DNAI1: variants seen among roughly 807,000 people sequenced by gnomAD.
DNAI1 encodes the protein dynein, axonemal, intermediate polypeptide 1.
Under a neutral mutation model 92.0 loss-of-function variants are expected in DNAI1, and 67 were observed. That is an observed-to-expected ratio of 0.73 (90% CI 0.60 to 0.89). DNAI1 has a LOEUF of 0.89. Ranked by LOEUF, DNAI1 falls within the 40% of genes least tolerant of loss-of-function variation. The pLI is 0.00. For synonymous variants in DNAI1, 323 were observed against 319.6 expected (o/e 1.01, Z -0.11); for missense variants, 839 against 866.6 (o/e 0.97, Z 0.40).
chr9:34,508,790 C>T (rs1373892457), intron 13 of DNAI1, among the ~76,000 whole-genome samples: 2 of 152,270 alleles, frequency 1.3e-5, no homozygotes, highest in East Asian at 3.9e-4. Flanking sequence ...TGAGCAGGTC[C>T]CAAGAAGACA....
Position 34,517,369 on chromosome 9 carries a change from G to T in DNAI1, c.1903G>T (p.Val635Leu). ...VAAKKNRLTH[V>L]QFNLIHPIII... ...GGCCAAAAAGAACAGGCTCACCCAC[G>T]TGCAGTTCAATCTCATCCACCCCAT... Residue 635 changes from valine to leucine, a missense_variant, in exon 19 of 20, where the codon GTG (valine) becomes TTG (leucine). By Grantham distance (32) the Val-to-Leu change is conservative. Transcript: ENST00000242317. 1 of 1,614,166 alleles carries T rather than the reference G, an allele frequency of 6.2e-7. No homozygotes were observed. The highest frequency in any genetic ancestry group is 8.5e-7 in the Non-Finnish European group (1 of 1,180,032).
intron 19 of DNAI1, among the ~76,000 whole-genome samples, chr9:34,518,646 T>A (rs1185919411): frequency 6.6e-6 from 1 of 152,214 alleles, no homozygotes; most frequent in East Asian, 1.9e-4. Context: ...AATGTGTTCT[T>A]AATTTTCTGA....
chr9:34,501,519 G>T (rs960725006), intron 12 of DNAI1, among the ~76,000 whole-genome samples: 2 of 152,224 alleles, frequency 1.3e-5, no homozygotes, highest in South Asian at 2.1e-4. Context: ...AGCCCTCAAA[G>T]GGCCTGGTAA....
Position 34,483,473 on chromosome 9 carries a change from G to A in DNAI1, c.74G>A (p.Arg25Lys). ...KQSISIGRGT[R>K]KRDEDSGTEV... The stretch of plus-strand genomic sequence containing the variant: ...AGCATCAGCATAGGCAGAGGAACCA[G>A]GAAGAGAGTAAGTGCTGAGACTACC... The change falls in exon 2 of 20, where the codon AGG becomes AAG. Residue 25 changes from arginine (R) to lysine (K), a missense_variant. Transcript: ENST00000242317. 1.9e-6 allele frequency: 3 copies of A among 1,612,410 alleles called. No homozygotes were observed. The highest frequency in any genetic ancestry group is 2.5e-6 in the Non-Finnish European group (3 of 1,179,794).
rs1325002464 is a variant in DNAI1, at chr9:34,517,408, G to A, written c.1942G>A (p.Asp648Asn). Residue 648 changes from aspartate to asparagine, a missense_variant, in exon 19 of 20, where the codon GAT (aspartate) becomes AAT (asparagine). Physicochemically the swap from Asp to Asn is conservative, Grantham distance 23 (BLOSUM62 1). Coordinates refer to ENST00000242317, the MANE Select transcript of DNAI1 (RefSeq NM_012144.4). ...NLIHPIIIVG[D>N]DRGHIISLKL... ...CATCCACCCCATCATCATTGTGGGC[G>A]ATGACCGTGGGCACATCATCAGCCT... 39 of 1,614,058 alleles carry A rather than the reference G, an allele frequency of 2.4e-5. No individual in the cohort carries two copies. Among genetic ancestry groups the A allele is most frequent in the Non-Finnish European group, 3.0e-5 (35 of 1,180,044 alleles).
chr9:34,502,275 C>T (rs146363964), intron 12 of DNAI1, among the ~76,000 whole-genome samples: 4 of 152,190 alleles, frequency 2.6e-5, no homozygotes. Context: ...TTTGTGTCCC[C>T]ACTCCTGAGG....
intron 2 of DNAI1, among the ~76,000 whole-genome samples, chr9:34,483,710 G>A (rs957844258): frequency 6.6e-6 from 1 of 151,896 alleles, no homozygotes; most frequent in African/African-American, 2.4e-5. Context: ...TTCTTTGGAG[G>A]AATAAGAGAG....
intron 1 of DNAI1, among the ~76,000 whole-genome samples, chr9:34,474,083 C>T (rs1330992627): frequency 6.6e-6 from 1 of 152,088 alleles, no homozygotes; most frequent in African/African-American, 2.4e-5. Context: ...ATATGCATAA[C>T]ATCCCATTGA....
chr9:34,485,364 A>AG, intron 3 of DNAI1, 73 bp from the exon 4 acceptor site: 1 of 1,592,992 alleles, frequency 6.3e-7, no homozygotes. Flanking sequence ...TGATACTCTG[A>AG]GGGATCCTTC....
At chr9:34,459,173 C>T in intron 1 of DNAI1, 120 bp downstream of exon 1, 1 of 979,328 alleles carries the variant, frequency 1.0e-6, no homozygotes, top group Non-Finnish European at 1.6e-6. Context: ...CTTCTCACCC[C>T]CGTGACCTCT....
rs565387575 is a variant in DNAI1, at chr9:34,501,260, C to G, written c.1063+79C>G. On this transcript the variant is annotated intron_variant, in intron 12 of 19. Coordinates refer to ENST00000242317, the MANE Select transcript of DNAI1 (RefSeq NM_012144.4). The stretch of plus-strand genomic sequence containing the variant: ...ACCTACTCTGTGCAGAACTCTTTGC[C>G]AGTTGTAAGAAATACAAAGATGACT... 3.3e-6 allele frequency: 4 copies of G among 1,226,142 alleles called. No homozygotes were observed. The South Asian group carries it at 4.8e-5, about 15-fold the overall frequency. 76.0% of individuals were successfully genotyped at this position (1,226,142 alleles called of 1,614,324 possible).
In DNAI1 at chr9:34,500,868, A is replaced by C. The variant is rs745775853; in HGVS notation, c.1019+29A>C. Reference sequence around the variant, plus strand: ...AGTATAGGCATTGCAGCAAATGCAGAGCCCCTGAGTGCCCTCTACATCCCA... The same window carrying C: ...AGTATAGGCATTGCAGCAAATGCAGCGCCCCTGAGTGCCCTCTACATCCCA... On this transcript the variant is annotated intron_variant, in intron 11 of 19. Coordinates refer to ENST00000242317, the MANE Select transcript of DNAI1 (RefSeq NM_012144.4). 24 of 1,570,480 alleles carry C rather than the reference A, an allele frequency of 1.5e-5. No individual in the cohort carries two copies. The South Asian group carries it at 2.7e-4, about 17-fold the overall frequency.
At chr9:34,510,035 T>C (rs931095936) in intron 13 of DNAI1, among the ~76,000 whole-genome samples, 3 of 152,122 alleles carry the variant, frequency 2.0e-5, no homozygotes, top group African/African-American at 7.2e-5. Flanking sequence ...AAAGCCAGGC[T>C]GGTGAATGAG....
intron 19 of DNAI1, among the ~76,000 whole-genome samples, chr9:34,519,977 T>C (rs946030283): frequency 1.3e-5 from 2 of 152,062 alleles, no homozygotes; most frequent in African/African-American, 4.8e-5. Context: ...AGGATTGGAG[T>C]GCTTTGCAGG....
At chr9:34,509,548 C>G (rs953795594) in intron 13 of DNAI1, among the ~76,000 whole-genome samples, 3 of 152,082 alleles carry the variant, frequency 2.0e-5, no homozygotes, top group African/African-American at 4.8e-5. Context: ...CCTCTACCCC[C>G]CTGAGCATAG....
chr9:34,512,028 C>T (rs1446128194), intron 13 of DNAI1, 81 bp from the exon 14 acceptor site: 2 of 1,389,714 alleles, frequency 1.4e-6, no homozygotes, highest in African/African-American at 1.4e-5. Context: ...CAGATGGGTG[C>T]TTGGGGGAGC....
intron 12 of DNAI1, among the ~76,000 whole-genome samples, chr9:34,502,092 G>T (rs1449778464): frequency 6.6e-6 from 1 of 152,188 alleles, no homozygotes; most frequent in African/African-American, 2.4e-5. Context: ...GCTGCTGCTG[G>T]CTGGCAGGCA....
chr9:34,501,195 C>T lies in DNAI1; in HGVS notation c.1063+14C>T. On this transcript the variant is annotated intron_variant, in intron 12 of 19. Coordinates refer to ENST00000242317, the MANE Select transcript of DNAI1 (RefSeq NM_012144.4). ...GATATGGCTCTTGTAAGTGATCTGA[C>T]TATTCATTTATTTGCTCATGTAAAC... The T allele has an allele frequency of 6.2e-7, 1 of 1,606,298 alleles. No individual in the cohort carries two copies. The highest frequency in any genetic ancestry group is 1.1e-5 in the South Asian group (1 of 90,946).
chr9:34,489,676 C>A (rs1037975179), intron 5 of DNAI1, among the ~76,000 whole-genome samples: 1 of 152,112 alleles, frequency 6.6e-6, no homozygotes. Flanking sequence ...AGTGAAACCC[C>A]GTTTCTACTA....
Sources: allele counts gnomAD v4.1 joint callset (sites outside exome capture counted in the v4.1 genomes callset), GRCh38; gene constraint gnomAD v4.1.1; transcripts MANE v1.5; gene names NCBI Gene and HGNC (gene_info 2026-07-23, HGNC 2026-07-21).